ZNF652: variants seen among roughly 807,000 people sequenced by gnomAD.
The protein encoded by ZNF652 is zinc finger protein 652.
ZNF652 carries 16 observed loss-of-function variants against 45.2 expected under a neutral mutation model. The ratio of observed to expected loss-of-function variants is 0.35; its 90% CI spans 0.24 to 0.54. The LOEUF (loss-of-function observed/expected upper bound fraction) is 0.54, where lower values mean the gene tolerates loss of function less well. Ranked by LOEUF, ZNF652 falls within the 20% of genes least tolerant of loss-of-function variation. The pLI, the probability that ZNF652 is intolerant of heterozygous loss-of-function variation, is 0.91. For missense variants in ZNF652, 614 were observed against 765.6 expected (o/e 0.80, Z 2.34); for synonymous variants, 250 against 260.6 (o/e 0.96, Z 0.39).
intron 1 of ZNF652, among the ~76,000 whole-genome samples, chr17:49,336,264 C>G (rs2070079523): frequency 6.7e-6 from 1 of 150,244 alleles, no homozygotes; most frequent in Non-Finnish European, 1.5e-5. Flanking sequence ...ACCTCATGAT[C>G]TGTCTGCCTC....
chr17:49,319,565 G>A (rs995620674), intron 1 of ZNF652, among the ~76,000 whole-genome samples: 17 of 147,282 alleles, frequency 1.2e-4, no homozygotes, highest in African/African-American at 3.3e-4. Context: ...CCCAGGAGGC[G>A]GAGATTGTAA....
At chr17:49,355,101 T>C (rs921398248) in intron 1 of ZNF652, among the ~76,000 whole-genome samples, 4 of 152,220 alleles carry the variant, frequency 2.6e-5, no homozygotes, top group African/African-American at 9.6e-5. Flanking sequence ...ACAGGTCTTC[T>C]AAATTCCAAA....
At chr17:49,348,081 C>A (rs1427096375) in intron 1 of ZNF652, among the ~76,000 whole-genome samples, 1 of 152,010 alleles carries the variant, frequency 6.6e-6, no homozygotes. Context: ...GATCTAAACA[C>A]CAATCTACAG....
rs74927350 is a variant in ZNF652, at chr17:49,347,238, A to G, written c.-259+14671T>C. Among the ~76,000 whole-genome samples the G allele has an allele frequency of 5.0e-3, 761 of 152,336 alleles. 4 individuals carry two copies. Among genetic ancestry groups the G allele is most frequent in the African/African-American group, 0.017 (718 of 41,576 alleles). On this transcript the variant is annotated intron_variant, in intron 1 of 5. Coordinates refer to ENST00000430262, the MANE Select transcript of ZNF652 (RefSeq NM_001145365.3). ...AGGGGAAATTTTATATAAGTATTCC[A>G]GCTAATAACTGAAAAACAAATTATA...
intron 1 of ZNF652, among the ~76,000 whole-genome samples, chr17:49,337,581 A>G (rs2143869313): frequency 6.6e-6 from 1 of 152,296 alleles, no homozygotes; most frequent in Non-Finnish European, 1.5e-5. Flanking sequence ...TCTTCATGAG[A>G]CATCCAGTAT....
chr17:49,357,019 C>G (rs1430308861), intron 1 of ZNF652, among the ~76,000 whole-genome samples: 1 of 149,382 alleles, frequency 6.7e-6, no homozygotes, highest in African/African-American at 2.5e-5. Context: ...AAAAAAGAGG[C>G]TGGGCACAGT....
At chr17:49,329,092 C>T (rs548923083) in intron 1 of ZNF652, among the ~76,000 whole-genome samples, 5 of 152,190 alleles carry the variant, frequency 3.3e-5, no homozygotes, top group African/African-American at 1.2e-4. Context: ...GAAACTCATA[C>T]CTTCCTTCAG....
intron 2 of ZNF652, among the ~76,000 whole-genome samples, chr17:49,313,710 C>T (rs901406923): frequency 1.3e-5 from 2 of 151,642 alleles, no homozygotes; most frequent in South Asian, 4.2e-4. Flanking sequence ...CAGTGGCTCA[C>T]GCCTATAATC....
chr17:49,308,499 G>T (rs761748607), intron 5 of ZNF652, among the ~76,000 whole-genome samples: 5 of 152,046 alleles, frequency 3.3e-5, no homozygotes, highest in Admixed American at 6.6e-5. Flanking sequence ...CACTTTTAAT[G>T]AGAAAGATAA....
intron 1 of ZNF652, among the ~76,000 whole-genome samples, chr17:49,347,513 C>T (rs1446118535): frequency 6.6e-6 from 1 of 151,848 alleles, no homozygotes; most frequent in African/African-American, 2.4e-5. Context: ...TGCAGTGAGC[C>T]GTGATCATGC....
intron 1 of ZNF652, among the ~76,000 whole-genome samples, chr17:49,324,902 G>A (rs894389196): frequency 1.3e-5 from 2 of 149,740 alleles, no homozygotes; most frequent in African/African-American, 4.9e-5. Flanking sequence ...CACCACGCCC[G>A]GCTAATTTTT....
At chr17:49,304,895 TAC>T (rs1039691818) in intron 5 of ZNF652, among the ~76,000 whole-genome samples, 11 of 105,798 alleles carry the variant, frequency 1.0e-4, no homozygotes, top group Non-Finnish European at 1.8e-4. Context: ...TATATATATA[TAC>T]ACACACACAT....
At chr17:49,315,504 G>A (rs2069789545) in intron 2 of ZNF652, among the ~76,000 whole-genome samples, 2 of 150,498 alleles carry the variant, frequency 1.3e-5, no homozygotes, top group Admixed American at 1.3e-4. Context: ...CGTGAGGAAA[G>A]TCACACACAA....
chr17:49,315,710 C>T (rs1415581944), intron 2 of ZNF652, among the ~76,000 whole-genome samples: 1 of 152,202 alleles, frequency 6.6e-6, no homozygotes, highest in African/African-American at 2.4e-5. Flanking sequence ...CATACCCAAG[C>T]CAGGGCACTG....
rs1329597291 is a variant in ZNF652 at position 49,290,542 on chromosome 17, CTT to C, written c.*7869_*7870del. ...CATACTCCAGAGTTCCCCCAGTGCT[CTT>C]GTTCCTCCTATAGATGTGATGGTGG... On this transcript the variant is annotated 3_prime_UTR_variant, in exon 6 of 6. Coordinates refer to ENST00000430262, the MANE Select transcript of ZNF652 (RefSeq NM_001145365.3). 6.6e-6 allele frequency: 1 copy of C among 152,292 alleles called. No homozygotes were observed. Among genetic ancestry groups the C allele is most frequent in the African/African-American group, 2.4e-5 (1 of 41,440 alleles). 9.4% of individuals were successfully genotyped at this position (152,292 alleles called of 1,614,324 possible). A position where few individuals can be genotyped will look rare whatever the true frequency, so the allele number is the denominator to read the frequency against.
chr17:49,336,799 G>T (rs917973349), intron 1 of ZNF652, among the ~76,000 whole-genome samples: 2 of 151,408 alleles, frequency 1.3e-5, no homozygotes, highest in Non-Finnish European at 2.9e-5. Flanking sequence ...GCTAGTTTTT[G>T]TATTTTTTTT....
At chr17:49,326,558 T>C (rs189793408) in intron 1 of ZNF652, among the ~76,000 whole-genome samples, 12 of 152,224 alleles carry the variant, frequency 7.9e-5, no homozygotes, top group African/African-American at 2.9e-4. Context: ...TCCATGAAGA[T>C]GAACCTAGGG....
chr17:49,351,514 T>C (rs867770667), intron 1 of ZNF652, among the ~76,000 whole-genome samples: 1 of 152,054 alleles, frequency 6.6e-6, no homozygotes. Flanking sequence ...AATATGACCA[T>C]ATAAAAAAGA....
chr17:49,339,967 C>T (rs934647725), intron 1 of ZNF652, among the ~76,000 whole-genome samples: 2 of 152,046 alleles, frequency 1.3e-5, no homozygotes, highest in Admixed American at 6.6e-5. Flanking sequence ...CTCCTGACCT[C>T]GTGATCCACC....
Sources: allele counts gnomAD v4.1 joint callset (sites outside exome capture counted in the v4.1 genomes callset), GRCh38; gene constraint gnomAD v4.1.1; transcripts MANE v1.5; gene names NCBI Gene and HGNC (gene_info 2026-07-23, HGNC 2026-07-21).